DDB1: variants seen among roughly 807,000 people sequenced by gnomAD.
The protein encoded by DDB1 is DNA damage-binding protein 1.
DDB1 carries 18 observed loss-of-function variants against 133.1 expected under a neutral mutation model. The observed-to-expected ratio is 0.14, with a 90% CI of 0.09 to 0.20. DDB1 has a LOEUF of 0.20. Ranked by LOEUF, DDB1 falls within the 10% of genes least tolerant of loss-of-function variation. The pLI is 1.00. For synonymous variants in DDB1, 580 were observed against 550.5 expected (o/e 1.05, Z -0.75); for missense variants, 828 against 1,459.2 (o/e 0.57, Z 7.05).
At chr11:61,302,019 A>G (rs1855803939) in intron 25 of DDB1, 2 of 404,564 alleles carry the variant, frequency 4.9e-6, no homozygotes, top group Admixed American at 7.2e-5. Flanking sequence ...ATATAAATGT[A>G]CATTTCCAAG....
At position 61,314,084 on chromosome 11, in the gene DDB1, G is replaced by C; in HGVS notation, c.1716C>G (p.Pro572=). 1 of 1,614,074 alleles carries C rather than the reference G, an allele frequency of 6.2e-7. No homozygotes were observed. The highest frequency in any genetic ancestry group is 8.5e-7 in the Non-Finnish European group (1 of 1,179,990). The stretch of plus-strand genomic sequence containing the variant: ...TCTCCTTGTGCAGTAGTTCAAAAGA[G>C]GGCAACTTCAAGATACGAGCCGAGA... ...TDISARILKL[P]SFELLHKEML... is the part of the protein sequence containing the mutation. Residue 572 remains proline, a synonymous_variant, in exon 14 of 27, where the codon CCC becomes CCG. Transcript: ENST00000301764.
chr11:61,327,620 T>C (rs1336471808), intron 4 of DDB1: 2 of 152,202 alleles, frequency 1.3e-5, no homozygotes, highest in Non-Finnish European at 2.9e-5. Context: ...AGAACACAAT[T>C]GATTGCTCCG....
chr11:61,311,333 CA>C (rs1855967140), intron 18 of DDB1: 3 of 158,248 alleles, frequency 1.9e-5, no homozygotes, highest in African/African-American at 7.3e-5. Context: ...CATAACATAA[CA>C]TAACATAACA....
At chr11:61,326,074 A>T (rs1332431140) in intron 5 of DDB1, 1 of 315,974 alleles carries the variant, frequency 3.2e-6, no homozygotes, top group Non-Finnish European at 6.1e-6. Flanking sequence ...TCCTTAGCTT[A>T]ACTTCCCCCC....
chr11:61,316,999 A>G (rs1282949664), intron 10 of DDB1, among the ~76,000 whole-genome samples: 7 of 99,924 alleles, frequency 7.0e-5, no homozygotes, highest in Non-Finnish European at 1.4e-4. Flanking sequence ...ATATATATAT[A>G]GACATGGCAG....
rs756518659 is a variant in DDB1 at position 61,329,432 on chromosome 11, C to T, written c.480G>A (p.Glu160=). The part of the protein sequence containing the change: ...KELKAFNIRL[E]ELHVIDVKFL... ...ACTTGACATCAATGACATGCAGCTC[C>T]TCCAGGCGGATGTTGAAGGCCTTGA... Residue 160 remains glutamate (E), a synonymous_variant, in exon 4 of 27, where the codon GAG becomes GAA. Coordinates refer to ENST00000301764, the MANE Select transcript of DDB1 (RefSeq NM_001923.5). The T allele has an allele frequency of 6.2e-7, 1 of 1,614,202 alleles. No homozygotes were observed. The highest frequency in any genetic ancestry group is 8.5e-7 in the Non-Finnish European group (1 of 1,180,036).
intron 3 of DDB1, 104 bp from the exon 4 acceptor site, chr11:61,329,688 C>A: frequency 9.3e-7 from 1 of 1,077,416 alleles, no homozygotes; most frequent in South Asian, 1.5e-5. Flanking sequence ...GGTATTAAAA[C>A]TAATGGATCT....
intron 1 of DDB1, 63 bp downstream of exon 1, chr11:61,332,844 TC>T: frequency 7.4e-7 from 1 of 1,342,492 alleles, no homozygotes; most frequent in South Asian, 1.7e-5. Context: ...GCGGCGGGCC[TC>T]CCTAGGCCGC....
chr11:61,321,500 T>C (rs1021407270), intron 10 of DDB1, 95 bp downstream of exon 10: 25 of 1,047,198 alleles, frequency 2.4e-5, no homozygotes, highest in African/African-American at 1.3e-4. Context: ...CTTGATCTGC[T>C]TTCCTCTGGC....
intron 22 of DDB1, 69 bp from the exon 23 acceptor site, chr11:61,303,224 G>A: frequency 2.8e-6 from 4 of 1,441,694 alleles, no homozygotes; most frequent in Non-Finnish European, 3.9e-6. Context: ...TCTGGGACTT[G>A]TGTTTCCTTT....
chr11:61,322,198 T>G (rs1856192547), intron 9 of DDB1, 98 bp downstream of exon 9: 2 of 951,812 alleles, frequency 2.1e-6, no homozygotes, highest in Non-Finnish European at 3.3e-6. Context: ...CTCTTAAAAG[T>G]ATTTTCAGTG....
intron 8 of DDB1, 27 bp downstream of exon 8, chr11:61,322,984 A>T: frequency 1.2e-6 from 2 of 1,601,260 alleles, no homozygotes; most frequent in Non-Finnish European, 1.7e-6. Context: ...ACAGCAAAAA[A>T]GAAACCAGAA....
At position 61,324,113 on chromosome 11, in the gene DDB1, G is replaced by C; in HGVS notation, c.787C>G (p.Arg263Gly). 2 of 1,614,072 alleles carry C rather than the reference G, an allele frequency of 1.2e-6. No homozygotes were observed. Among genetic ancestry groups the C allele is most frequent in the Non-Finnish European group, 1.7e-6 (2 of 1,180,012 alleles). ...TATCTTGAGCCATTAGGGTCCACTC[G>C]ATTGTGGCACACAATCGTGCTTTGC... Reference protein sequence around the residue: ...IKQSTIVCHNRVDPNGSRYLL... With the variant: ...IKQSTIVCHNGVDPNGSRYLL... Residue 263 changes from arginine (R) to glycine (G), a missense_variant, in exon 7 of 27, where the codon CGA becomes GGA. Arg to Gly is a moderately radical substitution (Grantham distance 125, BLOSUM62 -2). Transcript: ENST00000301764.
Position 61,303,875 on chromosome 11 carries a change from T to C in DDB1, c.2822A>G (p.Asn941Ser). 6.2e-7 allele frequency: 1 copy of C among 1,613,866 alleles called. No homozygotes were observed. The highest frequency in any genetic ancestry group is 8.5e-7 in the Non-Finnish European group (1 of 1,179,964). The change falls in exon 22 of 27, where the codon AAC (asparagine) becomes AGC (serine). Residue 941 changes from asparagine (N) to serine (S), a missense_variant. By Grantham distance (46) the Asn-to-Ser change is conservative. This residue lies in a region of DDB1 where 36 missense variants were observed against 139.9 expected (regional missense o/e 0.26). Coordinates refer to ENST00000301764, the MANE Select transcript of DDB1 (RefSeq NM_001923.5). ...CCCCACCAGCATCACCTCTTCAAAG[T>C]TTCCTTCCATGGGCTTGTAGGCAAG... is the stretch of plus-strand genomic sequence containing the variant. ...LLLAYKPMEG[N>S]FEEIARDFNP...
intron 5 of DDB1, chr11:61,326,170 G>A (rs942447508): frequency 4.1e-6 from 1 of 245,664 alleles, no homozygotes; most frequent in Non-Finnish European, 8.0e-6. Flanking sequence ...ATAATGTAGG[G>A]GCAGACTTAG....
At chr11:61,329,874 G>T in intron 3 of DDB1, 84 bp downstream of exon 3, 1 of 1,170,350 alleles carries the variant, frequency 8.5e-7, no homozygotes, top group Non-Finnish European at 1.2e-6. Flanking sequence ...CGAATAGAGA[G>T]CTGCCCCCAG....
chr11:61,315,047 C>G (rs1414796127), intron 12 of DDB1: 1 of 152,132 alleles, frequency 6.6e-6, no homozygotes, highest in East Asian at 1.9e-4. Context: ...CCAGGCTGAT[C>G]TTGAACTCCT....
rs58564398 is a variant in DDB1 at position 61,316,946 on chromosome 11, G to GATAT, written c.1226-383_1226-380dup. 4.0e-3 allele frequency among the ~76,000 whole-genome samples: 117 copies of GATAT among 28,922 alleles called. 1 individual carries two copies. The highest frequency in any genetic ancestry group is 5.0e-3 in the Non-Finnish European group (95 of 18,966). 19.0% of individuals were successfully genotyped at this position (28,922 alleles called of 152,430 possible). ...AAAAAAAAAAAAAAAAAAAAGGATA[G>GATAT]ATATATATATATATATATATATATA... is the stretch of plus-strand genomic sequence containing the variant. On this transcript the variant is annotated intron_variant, in intron 10 of 26. Transcript: ENST00000301764.
At position 61,314,455 on chromosome 11, in the gene DDB1, T is replaced by G. The variant is rs767677755; in HGVS notation, c.1442A>C (p.Gln481Pro). ...ITSASVRLVSQEPKALVSEWK... is the reference protein window; with the variant it reads ...ITSASVRLVSPEPKALVSEWK... ...TTCACTGACCAGAGCTTTGGGTTCTTGAGAGACCAACCTCACCGATGCTGA... is the reference window on the plus strand; with the variant it reads ...TTCACTGACCAGAGCTTTGGGTTCTGGAGAGACCAACCTCACCGATGCTGA... The change falls in exon 13 of 27, where the codon CAA (glutamine) becomes CCA (proline). Residue 481 changes from glutamine to proline, a missense_variant. Physicochemically the swap from Gln to Pro is moderately conservative, Grantham distance 76 (BLOSUM62 -1). Transcript: ENST00000301764. 6.2e-7 allele frequency: 1 copy of G among 1,613,694 alleles called. No individual in the cohort carries two copies. Among genetic ancestry groups the G allele is most frequent in the Admixed American group, 1.7e-5 (1 of 59,898 alleles).
Sources: gnomAD v4.1 joint callset for allele counts (sites outside exome capture counted in the v4.1 genomes callset) on GRCh38, gnomAD v4.1.1 for gene constraint, gnomAD v4.1.1 regional missense constraint, MANE v1.5 for transcripts, NCBI Gene and HGNC (gene_info 2026-07-23, HGNC 2026-07-21) for gene names.